The following ABTB3 variants were observed in gnomAD, a reference collection of about 807,000 sequenced individuals.
The protein encoded by ABTB3 is ankyrin repeat- and BTB/POZ domain-containing protein 3.
chr12:107,327,994 G>C, the ABTB3 span, among the ~76,000 whole-genome samples: 1 of 152,148 alleles, frequency 6.6e-6, no homozygotes, highest in Non-Finnish European at 1.5e-5. Flanking sequence ...ACAGTCCTGG[G>C]TGTGGGTGTG....
chr12:107,365,807 A>T, the ABTB3 span, among the ~76,000 whole-genome samples: 1 of 152,222 alleles, frequency 6.6e-6, no homozygotes, highest in Non-Finnish European at 1.5e-5. Context: ...GAGTGATGCC[A>T]CCTGAGGCAA....
At chr12:107,478,904 G>A in the ABTB3 span, among the ~76,000 whole-genome samples, 1 of 152,076 alleles carries the variant, frequency 6.6e-6, no homozygotes, top group Non-Finnish European at 1.5e-5. Flanking sequence ...TGAATCAGGA[G>A]CAACCTTTGA....
At chr12:107,378,560 C>T in the ABTB3 span, among the ~76,000 whole-genome samples, 1 of 152,168 alleles carries the variant, frequency 6.6e-6, no homozygotes, top group South Asian at 2.1e-4. Context: ...CAACAATGCA[C>T]CCCATCCTCT....
chr12:107,544,997 T>G, the ABTB3 span, among the ~76,000 whole-genome samples: 1 of 152,202 alleles, frequency 6.6e-6, no homozygotes. Context: ...ATGTTAACTT[T>G]TATTATTGTT....
the ABTB3 span, among the ~76,000 whole-genome samples, chr12:107,367,061 G>A: frequency 2.0e-5 from 3 of 152,208 alleles, no homozygotes; most frequent in African/African-American, 7.2e-5. Flanking sequence ...GGACACAGGT[G>A]ATTTGCTTAG....
the ABTB3 span, among the ~76,000 whole-genome samples, chr12:107,452,271 G>A: frequency 2.0e-5 from 3 of 147,862 alleles, no homozygotes; most frequent in Non-Finnish European, 4.5e-5. Context: ...TGAGTGGCGC[G>A]GTCTCCGCTC....
chr12:107,464,206 AGTGTGTGTGT>A, the ABTB3 span, among the ~76,000 whole-genome samples: 46,078 of 133,248 alleles, frequency 0.35, 7,802 homozygotes, highest in Non-Finnish European at 0.37. Context: ...ACATGTGAAG[AGTGTGTGTGT>A]GTGTGTGTGT....
the ABTB3 span, among the ~76,000 whole-genome samples, chr12:107,600,293 A>G: frequency 1.3e-5 from 2 of 152,192 alleles, no homozygotes; most frequent in Non-Finnish European, 2.9e-5. Context: ...TCTTCTGTAA[A>G]ATGAGCACAA....
At chr12:107,508,438 C>CTTTTTTTTTTTTTTTTTTTTTTTTTTTTT in the ABTB3 span, among the ~76,000 whole-genome samples, 42 of 69,164 alleles carry the variant, frequency 6.1e-4, 11 homozygotes, top group Non-Finnish European at 9.3e-4. Context: ...AAGATCATTT[C>CTTTTTTTTTTTTTTTTTTTTTTTTTTTTT]TTTTTTTTTT....
chr12:107,566,064 G>T, the ABTB3 span, among the ~76,000 whole-genome samples: 2 of 152,148 alleles, frequency 1.3e-5, no homozygotes, highest in African/African-American at 2.4e-5. Flanking sequence ...AGTAAATTGC[G>T]TGTATGTTTC....
the ABTB3 span, chr12:107,649,570 AG>A: frequency 2.5e-6 from 1 of 400,438 alleles, no homozygotes; most frequent in Non-Finnish European, 4.6e-6. Context: ...GTAAGGGGGC[AG>A]GGAAGGGAAG....
the ABTB3 span, among the ~76,000 whole-genome samples, chr12:107,475,345 T>C: frequency 6.6e-6 from 1 of 152,200 alleles, no homozygotes; most frequent in African/African-American, 2.4e-5. Context: ...TTCTCATGAT[T>C]ACCAAAGAGG....
At chr12:107,610,050 C>T in the ABTB3 span, 4 of 936,202 alleles carry the variant, frequency 4.3e-6, no homozygotes, top group African/African-American at 6.5e-5. Flanking sequence ...CATCCGGAGG[C>T]CATCATTTTA....
the ABTB3 span, among the ~76,000 whole-genome samples, chr12:107,409,396 G>A: frequency 6.6e-6 from 1 of 152,296 alleles, no homozygotes; most frequent in East Asian, 1.9e-4. Context: ...CAAAGATCTA[G>A]AACGAGAAAT....
chr12:107,511,477 A>C, the ABTB3 span, among the ~76,000 whole-genome samples: 1 of 151,418 alleles, frequency 6.6e-6, no homozygotes, highest in Non-Finnish European at 1.5e-5. Flanking sequence ...CATTTTTAGG[A>C]GTTGGCTGAC....
At chr12:107,471,434 T>C in the ABTB3 span, among the ~76,000 whole-genome samples, 1 of 152,166 alleles carries the variant, frequency 6.6e-6, no homozygotes, top group African/African-American at 2.4e-5. Flanking sequence ...CAGGCTCCCA[T>C]TGCAGGTCAA....
the ABTB3 span, among the ~76,000 whole-genome samples, chr12:107,359,562 G>A: frequency 2.7e-4 from 41 of 152,116 alleles, no homozygotes; most frequent in Admixed American, 2.6e-3. Flanking sequence ...AAGGTTTAGG[G>A]AGATGAGCAC....
the ABTB3 span, among the ~76,000 whole-genome samples, chr12:107,541,548 G>C: frequency 6.6e-6 from 1 of 152,248 alleles, no homozygotes; most frequent in Non-Finnish European, 1.5e-5. Context: ...AGGCCAGCAG[G>C]CTGGAGATTC....
the ABTB3 span, among the ~76,000 whole-genome samples, chr12:107,454,563 G>A: frequency 1.3e-5 from 2 of 152,158 alleles, no homozygotes; most frequent in African/African-American, 4.8e-5. Flanking sequence ...TGTGTCTTGG[G>A]GAGCAATTCA....
Sources: gnomAD v4.1 joint callset for allele counts (sites outside exome capture counted in the v4.1 genomes callset) on GRCh38, gnomAD v4.1.1 for gene constraint, MANE v1.5 for transcripts, NCBI Gene and HGNC (gene_info 2026-07-23, HGNC 2026-07-21) for gene names.